The following AK2 variants were observed in gnomAD, a reference collection of about 807,000 sequenced individuals.
The protein encoded by AK2 is adenylate kinase 2, mitochondrial.
Under a neutral mutation model 24.6 loss-of-function variants are expected in AK2, and 15 were observed. The ratio of observed to expected loss-of-function variants is 0.61; its 90% CI spans 0.41 to 0.94. The LOEUF is 0.94. Among genes scored for constraint, AK2 ranks in the 40% least tolerant of loss-of-function variants. The probability of loss-of-function intolerance (pLI) is 0.00; values close to 1 mark genes in which losing one functional copy is unlikely to be tolerated. For missense variants in AK2, 257 were observed against 304.1 expected (o/e 0.85, Z 1.15); for synonymous variants, 102 against 114.0 (o/e 0.90, Z 0.67).
chr1:33,034,449 TACACACACACACAC>T (rs71833811), intron 1 of AK2, among the ~76,000 whole-genome samples: 13 of 141,884 alleles, frequency 9.2e-5, no homozygotes, highest in African/African-American at 2.1e-4. Context: ...GGGTGCTTGA[TACACACACACACAC>T]ACACACACAC....
chr1:33,014,441 T>C (rs1015640195), intron 5 of AK2, 81 bp downstream of exon 5: 24 of 1,115,030 alleles, frequency 2.2e-5, no homozygotes, highest in Non-Finnish European at 2.8e-5. Context: ...AAAAGGAAGA[T>C]GGAAAGAATA....
chr1:33,035,173 T>C (rs1045847739), intron 1 of AK2, among the ~76,000 whole-genome samples: 5 of 152,164 alleles, frequency 3.3e-5, no homozygotes, highest in African/African-American at 1.2e-4. Context: ...AGGAAAGAGA[T>C]GTCAACAACG....
rs1639824756 is a variant in AK2 at position 33,025,509 on chromosome 1, A to G, written c.94-942T>C. On this transcript the variant is annotated intron_variant, in intron 1 of 5. Transcript: ENST00000672715. ...TTAAAATGAAGGCAAAAAAGGCTCC[A>G]TCTCAGAAGGTAGCTGTGAGGATTA... Among the ~76,000 whole-genome samples, 4 of 152,340 alleles carry G rather than the reference A, an allele frequency of 2.6e-5. No homozygotes were observed. In the South Asian group the frequency reaches 8.3e-4, roughly 32 times the overall value.
Position 33,013,396 on chromosome 1 carries a change from C to T in AK2, c.505G>A (p.Gly169Arg), listed in dbSNP as rs1452627532. ...TCTGATCGACGGATCAAGGGTTCCC[C>T]GGTGATCTGAGAACAGGAAGACAGC... ...PKEPMKDDIT[G>R]EPLIRRSDDN... The change falls in exon 6 of 6, where the codon GGG becomes AGG. Residue 169 changes from glycine (G) to arginine (R), a missense_variant. Coordinates refer to ENST00000672715, the MANE Select transcript of AK2 (RefSeq NM_001625.4). The T allele has an allele frequency of 1.4e-5, 23 of 1,613,622 alleles. No individual in the cohort carries two copies. Among genetic ancestry groups the T allele is most frequent in the South Asian group, 5.5e-5 (5 of 91,026 alleles).
chr1:33,014,430 T>A, intron 5 of AK2, 92 bp downstream of exon 5: 1 of 1,027,532 alleles, frequency 9.7e-7, no homozygotes, highest in Non-Finnish European at 1.5e-6. Context: ...TTGGTAGAAA[T>A]AAAAGGAAGA....
chr1:33,024,209 G>T, intron 2 of AK2: 1 of 580,028 alleles, frequency 1.7e-6, no homozygotes, highest in Non-Finnish European at 3.1e-6. Context: ...CTGCCAGTTT[G>T]TTAAAACACC....
At position 33,013,520 on chromosome 1, in the gene AK2, C is replaced by T. The variant is rs531618758; in HGVS notation, c.499-118G>A. 52 of 1,527,414 alleles carry T rather than the reference C, an allele frequency of 3.4e-5. No individual in the cohort carries two copies. In the African/African-American group the frequency reaches 3.4e-4, roughly 10 times the overall value. 94.6% of individuals were successfully genotyped at this position (1,527,414 alleles called of 1,614,324 possible). ...CCCAGGATGCTGTCTGTTCCCAAAG[C>T]CCATCAGAGACAAAGACAGGCAATC... On this transcript the variant is annotated intron_variant, in intron 5 of 5. Transcript: ENST00000672715.
At chr1:33,027,116 A>T (rs957877335) in intron 1 of AK2, among the ~76,000 whole-genome samples, 2 of 152,234 alleles carry the variant, frequency 1.3e-5, no homozygotes, top group Admixed American at 1.3e-4. Flanking sequence ...CGTCTCAAAC[A>T]AACAAACAAA....
intron 1 of AK2, among the ~76,000 whole-genome samples, chr1:33,035,657 G>A (rs1309876070): frequency 6.6e-6 from 1 of 152,096 alleles, no homozygotes; most frequent in African/African-American, 2.4e-5. Context: ...TGAGATCATC[G>A]ATCCCAACCC....
At chr1:33,027,757 AAAAAAAAGAAAAAG>A (rs1639988925) in intron 1 of AK2, among the ~76,000 whole-genome samples, 2 of 151,874 alleles carry the variant, frequency 1.3e-5, no homozygotes, top group South Asian at 2.1e-4. Flanking sequence ...CAAAAAAAAA[AAAAAAAAGAAAAAG>A]AAAAAAAGAA....
Position 33,012,874 on chromosome 1 carries a change from G to GC in AK2, c.*306_*307insG. ...GATCACGCCACTGCACTCCAGCCAGGGTGGCAGAGCGAAACCTTGTCTCAA... is the reference window on the plus strand; with the variant it reads ...GATCACGCCACTGCACTCCAGCCAGGCGTGGCAGAGCGAAACCTTGTCTCAA... On this transcript the variant is annotated 3_prime_UTR_variant, in exon 6 of 6. Coordinates refer to ENST00000672715, the MANE Select transcript of AK2 (RefSeq NM_001625.4). 7.6e-7 allele frequency: 1 copy of GC among 1,324,274 alleles called. No homozygotes were observed. Among genetic ancestry groups the GC allele is most frequent in the Non-Finnish European group, 9.9e-7 (1 of 1,012,874 alleles). The allele number at this position is 1,324,274 out of a possible 1,614,324, so 82.0% of individuals were successfully genotyped here.
chr1:33,024,284 T>C (rs1028386936), intron 2 of AK2, 158 bp downstream of exon 2: 4 of 1,006,164 alleles, frequency 4.0e-6, no homozygotes, highest in Non-Finnish European at 6.1e-6. Context: ...CAGCGTTGGC[T>C]GGTAAATACT....
Position 33,012,068 on chromosome 1 carries a change from A to T in AK2, c.*1113T>A. ...AAACATTAAAAATAAAAGCAAATAA[A>T]CCTACCCTGGTCTCTTTTTGGGGAA... On this transcript the variant is annotated 3_prime_UTR_variant, in exon 6 of 6. Transcript: ENST00000672715. The T allele has an allele frequency of 6.5e-7, 1 of 1,535,358 alleles. No individual in the cohort carries two copies. Among genetic ancestry groups the T allele is most frequent in the Non-Finnish European group, 8.7e-7 (1 of 1,146,718 alleles).
chr1:33,031,420 G>T (rs1640226572), intron 1 of AK2: 1 of 354,678 alleles, frequency 2.8e-6, no homozygotes, highest in Admixed American at 3.6e-5. Context: ...AGTGTTATAG[G>T]ATTAAATCAG....
chr1:33,035,995 C>T (rs1172195320), intron 1 of AK2, among the ~76,000 whole-genome samples: 11 of 152,084 alleles, frequency 7.2e-5, no homozygotes, highest in Admixed American at 7.2e-4. Flanking sequence ...ATTCAAGTTC[C>T]TTTTCATCTA....
chr1:33,010,028 C>G lies in AK2; in HGVS notation c.*3153G>C, dbSNP rs1296312999. ...ATACATCACAGTGCTGTTGAGTGAT[C>G]CCAGTCACAGGATTTGAGAATGGAA... On this transcript the variant is annotated 3_prime_UTR_variant, in exon 6 of 6. Coordinates refer to ENST00000672715, the MANE Select transcript of AK2 (RefSeq NM_001625.4). The G allele has an allele frequency of 2.2e-6, 1 of 454,612 alleles. No individual in the cohort carries two copies. The highest frequency in any genetic ancestry group is 2.0e-5 in the African/African-American group (1 of 50,150). The allele number at this position is 454,612 out of a possible 1,614,324, so 28.2% of individuals were successfully genotyped here.
intron 4 of AK2, among the ~76,000 whole-genome samples, chr1:33,019,319 GA>G (rs1639387153): frequency 1.3e-5 from 2 of 152,214 alleles, no homozygotes; most frequent in Non-Finnish European, 2.9e-5. Flanking sequence ...TGCTATGCAG[GA>G]AGCAGGTACT....
intron 1 of AK2, among the ~76,000 whole-genome samples, chr1:33,034,055 T>C (rs901133486): frequency 1.3e-5 from 2 of 152,112 alleles, no homozygotes; most frequent in Non-Finnish European, 2.9e-5. Context: ...TGCATTTTTT[T>C]GTAGAGATGG....
At chr1:33,033,756 CATT>C in intron 1 of AK2, among the ~76,000 whole-genome samples, 1 of 152,242 alleles carries the variant, frequency 6.6e-6, no homozygotes, top group Admixed American at 6.5e-5. Flanking sequence ...GGTAAGGGCT[CATT>C]ATGCCATCCT....
Sources: gnomAD v4.1 joint callset for allele counts (sites outside exome capture counted in the v4.1 genomes callset) on GRCh38, gnomAD v4.1.1 for gene constraint, MANE v1.5 for transcripts, NCBI Gene and HGNC (gene_info 2026-07-23, HGNC 2026-07-21) for gene names.